MYO3A: variants seen among roughly 807,000 people sequenced by gnomAD.
MYO3A encodes myosin-IIIa.
A neutral mutation model predicts 192.7 loss-of-function variants in MYO3A; 180 were observed. The observed-to-expected ratio is 0.93, with a 90% CI of 0.83 to 1.06. The LOEUF (loss-of-function observed/expected upper bound fraction) is 1.06. Ranked by LOEUF, MYO3A falls within the 50% of genes least tolerant of loss-of-function variation. The pLI, the probability that MYO3A is intolerant of heterozygous loss-of-function variation, is 0.00. For synonymous variants in MYO3A, 628 were observed against 645.3 expected (o/e 0.97, Z 0.41); for missense variants, 1,896 against 1,905.0 (o/e 1.00, Z 0.09).
Position 26,070,219 on chromosome 10 carries a change from A to T in MYO3A, c.1275+4A>T. ...GATAACATATAATTCAGATCAGGTA[A>T]GAAGAGTCTCCCATTCTTAGAAATT... On this transcript the variant is annotated splice_donor_region_variant and intron_variant, in intron 13 of 34. Transcript: ENST00000642920. The T allele has an allele frequency of 6.2e-7, 1 of 1,605,342 alleles. No individual in the cohort carries two copies. The highest frequency in any genetic ancestry group is 8.5e-7 in the Non-Finnish European group (1 of 1,172,324).
chr10:25,998,724 A>G (rs746861233), intron 6 of MYO3A, among the ~76,000 whole-genome samples: 2 of 152,190 alleles, frequency 1.3e-5, no homozygotes, highest in Admixed American at 6.5e-5. Context: ...AGTATAGCAT[A>G]GATTGAAAAT....
chr10:26,116,180 G>A (rs1455406335), intron 17 of MYO3A, among the ~76,000 whole-genome samples: 2 of 152,180 alleles, frequency 1.3e-5, no homozygotes, highest in Non-Finnish European at 2.9e-5. Flanking sequence ...ATTGTTGACA[G>A]CACAGGAGGC....
Position 26,204,769 on chromosome 10 carries a change from T to C in MYO3A, c.4730+1662T>C, listed in dbSNP as rs1008727388. 2.7e-4 allele frequency among the ~76,000 whole-genome samples: 41 copies of C among 152,238 alleles called. 1 individual carries two copies. The highest frequency in any genetic ancestry group is 2.7e-3 in the Admixed American group (41 of 15,284). ...GCATTTGAAGAAGGGGTGGATAGAATAGTGCATAAGATGTGATCCTTACCT... is the reference window on the plus strand; with the variant it reads ...GCATTTGAAGAAGGGGTGGATAGAACAGTGCATAAGATGTGATCCTTACCT... On this transcript the variant is annotated intron_variant, in intron 34 of 34. Transcript: ENST00000642920.
At chr10:26,140,480 T>G (rs1840086701) in intron 20 of MYO3A, among the ~76,000 whole-genome samples, 1 of 152,018 alleles carries the variant, frequency 6.6e-6, no homozygotes, top group Non-Finnish European at 1.5e-5. Context: ...GGTCAGGAGT[T>G]CAAGACCAGC....
rs758171932 is a variant in MYO3A at position 26,125,598 on chromosome 10, T to C, written c.2104T>C (p.Ser702Pro). The stretch of plus-strand genomic sequence containing the variant: ...CATTAACAGTTTGTTGAAGCATGAC[T>C]CATCACCAAGGTAAAAATTTTTACA... ...NCINSLLKHD[S>P]SPSGNGDELS... The change falls in exon 19 of 35, where the codon TCA becomes CCA. Residue 702 changes from serine (S) to proline (P), a missense_variant. By Grantham distance (74) the Ser-to-Pro change is moderately conservative. Transcript: ENST00000642920. 6.2e-7 allele frequency: 1 copy of C among 1,613,958 alleles called. No homozygotes were observed. Among genetic ancestry groups the C allele is most frequent in the Admixed American group, 1.7e-5 (1 of 60,028 alleles).
At chr10:26,069,056 T>G (rs1835032010) in intron 12 of MYO3A, among the ~76,000 whole-genome samples, 172 bp downstream of exon 12, 1 of 152,088 alleles carries the variant, frequency 6.6e-6, no homozygotes, top group Non-Finnish European at 1.5e-5. Flanking sequence ...TCAATCTGGG[T>G]GCAGTTTGTG....
intron 20 of MYO3A, among the ~76,000 whole-genome samples, chr10:26,130,859 T>A (rs1170917009): frequency 6.6e-6 from 1 of 152,244 alleles, no homozygotes; most frequent in Admixed American, 6.5e-5. Context: ...ACTAATTGTA[T>A]GTAGCTATCA....
At chr10:26,041,108 C>T (rs1157143498) in intron 10 of MYO3A, among the ~76,000 whole-genome samples, 1 of 151,926 alleles carries the variant, frequency 6.6e-6, no homozygotes, top group African/African-American at 2.4e-5. Flanking sequence ...TTGTTATATC[C>T]TCCTGCTGAA....
Position 26,212,233 on chromosome 10 carries a change from A to C in MYO3A, c.*270A>C. On this transcript the variant is annotated 3_prime_UTR_variant, in exon 35 of 35. Transcript: ENST00000642920. ...TCTCACCAGCCCGCCAGTTGTGGCA[A>C]CCCTGTCCTTGTTCCCCTAATCTAT... is the stretch of plus-strand genomic sequence containing the variant. 2.0e-6 allele frequency: 1 copy of C among 502,624 alleles called. No individual in the cohort carries two copies. The highest frequency in any genetic ancestry group is 3.5e-6 in the Non-Finnish European group (1 of 285,046). The allele number at this position is 502,624 out of a possible 1,614,324, so 31.1% of individuals were successfully genotyped here. A position where few individuals can be genotyped will look rare whatever the true frequency, so the allele number is the denominator to read the frequency against.
intron 18 of MYO3A, among the ~76,000 whole-genome samples, chr10:26,122,087 C>G (rs1247698492): frequency 1.3e-5 from 2 of 152,036 alleles, no homozygotes; most frequent in South Asian, 2.1e-4. Flanking sequence ...AAAGAATAAC[C>G]CTACAACTCC....
intron 7 of MYO3A, among the ~76,000 whole-genome samples, chr10:26,017,838 A>G (rs1207451156): frequency 1.3e-5 from 2 of 151,564 alleles, no homozygotes; most frequent in Non-Finnish European, 1.5e-5. Flanking sequence ...CAAAAATTGA[A>G]TAGGAGAATC....
intron 34 of MYO3A, among the ~76,000 whole-genome samples, chr10:26,211,406 A>AT (rs1024530558): frequency 2.0e-5 from 3 of 152,218 alleles, no homozygotes; most frequent in African/African-American, 7.2e-5. Flanking sequence ...TTGAGTGAGC[A>AT]TTTTTTAAAG....
chr10:26,153,925 C>A lies in MYO3A; in HGVS notation c.2711C>A (p.Ala904Glu). ...MRTSEKLINL[A>E]KGDTGEATRH... ...ACTTCAGAAAAATTAATCAACCTGG[C>A]AAAGGTAAGAAAATGCTTTTTTTCT... The change falls in exon 24 of 35, where the codon GCA becomes GAA. Residue 904 changes from alanine to glutamate, a missense_variant. Transcript: ENST00000642920. The A allele has an allele frequency of 6.3e-7, 1 of 1,585,274 alleles. No homozygotes were observed. Among genetic ancestry groups the A allele is most frequent in the Non-Finnish European group, 8.7e-7 (1 of 1,154,220 alleles).
intron 6 of MYO3A, among the ~76,000 whole-genome samples, chr10:26,010,583 C>T (rs149900797): frequency 0.015 from 2,286 of 151,960 alleles, 69 homozygotes; most frequent in African/African-American, 0.052. Flanking sequence ...TCTGCCTCAG[C>T]CTCCCAAATA....
intron 4 of MYO3A, among the ~76,000 whole-genome samples, chr10:25,988,980 C>T (rs111342677): frequency 0.1 from 13,613 of 130,112 alleles, 1,152 homozygotes; most frequent in African/African-American, 0.23. Flanking sequence ...TTAGAGACAG[C>T]GTCTCGCTCT....
intron 14 of MYO3A, among the ~76,000 whole-genome samples, chr10:26,081,414 GC>G (rs1321255508): frequency 6.6e-6 from 1 of 152,040 alleles, no homozygotes; most frequent in Non-Finnish European, 1.5e-5. Flanking sequence ...CTCCCACCAT[GC>G]CCCCGCAACA....
rs117322261 is a variant in MYO3A at position 25,951,702 on chromosome 10, G to A, written c.-17-392G>A. Among the ~76,000 whole-genome samples the A allele has an allele frequency of 9.1e-3, 1,390 of 152,208 alleles. 18 individuals carry two copies. Among genetic ancestry groups the A allele is most frequent in the Non-Finnish European group, 0.013 (899 of 68,000 alleles). On this transcript the variant is annotated intron_variant, in intron 2 of 34. Coordinates refer to ENST00000642920, the MANE Select transcript of MYO3A (RefSeq NM_017433.5). ...CATAAAACGTGATCACTTATAAAATGCAAGATCTGCTTAAATGAGGAAGTT... is the reference window on the plus strand; with the variant it reads ...CATAAAACGTGATCACTTATAAAATACAAGATCTGCTTAAATGAGGAAGTT...
In MYO3A at chr10:26,095,067, G is replaced by A. The variant is rs539765920; in HGVS notation, c.1563-1314G>A. On this transcript the variant is annotated intron_variant, in intron 15 of 34. Transcript: ENST00000642920. ...GGCAAGAGGGGATGCAGGCTGCTCC[G>A]GAAGTTTGGGTGTGATGAGTTGAGG... Among the ~76,000 whole-genome samples, 8 of 152,266 alleles carry A rather than the reference G, an allele frequency of 5.3e-5. No individual in the cohort carries two copies. The East Asian group carries it at 7.7e-4, about 15-fold the overall frequency.
chr10:26,014,640 A>G (rs1841880787), intron 6 of MYO3A, among the ~76,000 whole-genome samples: 1 of 151,950 alleles, frequency 6.6e-6, no homozygotes, highest in African/African-American at 2.4e-5. Context: ...TAAAATAGCC[A>G]TGGCCCTCCC....
Sources: gnomAD v4.1 joint callset for allele counts (sites outside exome capture counted in the v4.1 genomes callset) on GRCh38, gnomAD v4.1.1 for gene constraint, MANE v1.5 for transcripts, NCBI Gene and HGNC (gene_info 2026-07-23, HGNC 2026-07-21) for gene names.